SFRP1: variants seen among roughly 807,000 people sequenced by gnomAD.
SFRP1 encodes secreted frizzled related protein 1.
SFRP1 carries 9 observed loss-of-function variants against 25.9 expected under a neutral mutation model. That is an observed-to-expected ratio of 0.35 (90% CI 0.21 to 0.61). The LOEUF is 0.61. Among genes scored for constraint, SFRP1 ranks in the 20% least tolerant of loss-of-function variants. SFRP1 has a pLI of 0.78. For missense variants in SFRP1, 346 were observed against 418.2 expected (o/e 0.83, Z 1.51); for synonymous variants, 178 against 174.0 (o/e 1.02, Z -0.18).
intron 2 of SFRP1, among the ~76,000 whole-genome samples, chr8:41,287,895 A>G (rs1803725292): frequency 6.6e-6 from 1 of 152,198 alleles, no homozygotes; most frequent in East Asian, 1.9e-4. Context: ...TGGAGCTGTA[A>G]GAGAGCAACT....
At position 41,309,105 on chromosome 8, in the gene SFRP1, G is replaced by A. The variant is rs577422797; in HGVS notation, c.55C>T (p.Leu19=). The part of the protein sequence containing the change: ...GRRGAALGVL[L]ALGAALLAVG... The stretch of plus-strand genomic sequence containing the variant: ...GCCAGAAGCGCCGCGCCCAGCGCCA[G>A]CAGCACGCCCAGGGCTGCCCCGCGG... Residue 19 remains leucine (L), a synonymous_variant, in exon 1 of 3, where the codon CTG becomes TTG. Coordinates refer to ENST00000220772, the MANE Select transcript of SFRP1 (RefSeq NM_003012.5). 397 of 1,558,352 alleles carry A rather than the reference G, an allele frequency of 2.5e-4. 1 individual carries two copies. The highest frequency in any genetic ancestry group is 3.3e-4 in the Non-Finnish European group (378 of 1,160,512).
Position 41,308,970 on chromosome 8 carries a change from C to A in SFRP1, c.190G>T (p.Asp64Tyr). 6.2e-7 allele frequency: 1 copy of A among 1,613,460 alleles called. No individual in the cohort carries two copies. The highest frequency in any genetic ancestry group is 8.5e-7 in the Non-Finnish European group (1 of 1,179,944). Reference protein sequence around the residue: ...KPPQCVDIPADLRLCHNVGYK... With the variant: ...KPPQCVDIPAYLRLCHNVGYK... ...CCCACGTTGTGGCACAGCCGCAGGT[C>A]CGCGGGGATGTCCACGCACTGAGGT... Residue 64 changes from aspartate (D) to tyrosine (Y), a missense_variant, in exon 1 of 3, where the codon GAC becomes TAC. Asp to Tyr is a radical substitution (Grantham distance 160). Transcript: ENST00000220772.
At chr8:41,301,121 G>C (rs915448545) in intron 2 of SFRP1, among the ~76,000 whole-genome samples, 4 of 152,128 alleles carry the variant, frequency 2.6e-5, no homozygotes, top group African/African-American at 9.7e-5. Flanking sequence ...GGGGGACGAG[G>C]GTGCTGCTTA....
intron 2 of SFRP1, among the ~76,000 whole-genome samples, chr8:41,280,596 A>G (rs1803623443): frequency 6.6e-6 from 1 of 152,160 alleles, no homozygotes; most frequent in Non-Finnish European, 1.5e-5. Context: ...AGCTGAAGGG[A>G]GCAAGCGGCA....
intron 1 of SFRP1, among the ~76,000 whole-genome samples, chr8:41,307,815 A>T (rs1804017327): frequency 6.6e-6 from 1 of 152,172 alleles, no homozygotes; most frequent in African/African-American, 2.4e-5. Context: ...GCTGTTAGGA[A>T]AGTCTGCATT....
rs928212396 is a variant in SFRP1, at chr8:41,262,826, T to C, written c.*2341A>G. 6.6e-6 allele frequency: 1 copy of C among 152,198 alleles called. No homozygotes were observed. Among genetic ancestry groups the C allele is most frequent in the East Asian group, 1.9e-4 (1 of 5,198 alleles). 9.4% of individuals were successfully genotyped at this position (152,198 alleles called of 1,614,324 possible). A position where few individuals can be genotyped will look rare whatever the true frequency, so the allele number is the denominator to read the frequency against. On this transcript the variant is annotated 3_prime_UTR_variant, in exon 3 of 3. Transcript: ENST00000220772. The stretch of plus-strand genomic sequence containing the variant: ...GAGAGCCTCCCTTTTGGTTCTGAAA[T>C]TGCTGATGTGACAGAGACAAAGCTG...
chr8:41,303,703 G>A (rs1214145389), intron 1 of SFRP1, among the ~76,000 whole-genome samples, 165 bp from the exon 2 acceptor site: 1 of 152,162 alleles, frequency 6.6e-6, no homozygotes, highest in Non-Finnish European at 1.5e-5. Flanking sequence ...TGAGCCCAGG[G>A]TCTACAACCA....
intron 2 of SFRP1, among the ~76,000 whole-genome samples, chr8:41,289,575 TC>T (rs899205995): frequency 4.1e-4 from 63 of 152,290 alleles, no homozygotes; most frequent in African/African-American, 1.3e-3. Context: ...ACGTGTTCTT[TC>T]CAATGCACTC....
intron 2 of SFRP1, among the ~76,000 whole-genome samples, chr8:41,300,343 G>A (rs185399646): frequency 5.6e-4 from 85 of 152,286 alleles, no homozygotes; most frequent in African/African-American, 2.0e-3. Flanking sequence ...CCTTCCAGAA[G>A]GCAAGGAAAG....
chr8:41,286,328 G>A (rs755162740), intron 2 of SFRP1, among the ~76,000 whole-genome samples: 3 of 152,200 alleles, frequency 2.0e-5, no homozygotes, highest in Non-Finnish European at 2.9e-5. Flanking sequence ...CTCCTGTTCC[G>A]AGGCAGGGGC....
At chr8:41,300,654 A>G (rs1387514601) in intron 2 of SFRP1, among the ~76,000 whole-genome samples, 2 of 152,232 alleles carry the variant, frequency 1.3e-5, no homozygotes, top group African/African-American at 4.8e-5. Context: ...GGCTGTGGGT[A>G]CTGAGCTGTT....
intron 2 of SFRP1, among the ~76,000 whole-genome samples, chr8:41,285,708 C>T (rs192701612): frequency 2.0e-5 from 3 of 152,278 alleles, no homozygotes; most frequent in African/African-American, 2.4e-5. Flanking sequence ...GCTGAGCCCC[C>T]GTGAGTGCCA....
At chr8:41,279,790 A>C (rs1192008700) in intron 2 of SFRP1, among the ~76,000 whole-genome samples, 1 of 151,374 alleles carries the variant, frequency 6.6e-6, no homozygotes, top group East Asian at 1.9e-4. Flanking sequence ...AAAAAAAAAA[A>C]CCTATGTCCA....
chr8:41,305,403 A>G (rs1201290341), intron 1 of SFRP1, among the ~76,000 whole-genome samples: 3 of 152,204 alleles, frequency 2.0e-5, no homozygotes, highest in Admixed American at 2.0e-4. Context: ...TTTGGACTTC[A>G]GTGCCTCTCA....
rs534781917 is a variant in SFRP1 at position 41,296,675 on chromosome 8, T to C, written c.622+6786A>G. 5.3e-5 allele frequency among the ~76,000 whole-genome samples: 8 copies of C among 152,210 alleles called. No homozygotes were observed. The South Asian group carries it at 1.7e-3, about 32-fold the overall frequency. Reference sequence around the variant, plus strand: ...GGGTTGGGGTAGGGGAAGGGAAAAGTGCCCCAGAGATATCGCTGGAGAAAA... The same window carrying C: ...GGGTTGGGGTAGGGGAAGGGAAAAGCGCCCCAGAGATATCGCTGGAGAAAA... On this transcript the variant is annotated intron_variant, in intron 2 of 2. Coordinates refer to ENST00000220772, the MANE Select transcript of SFRP1 (RefSeq NM_003012.5).
At position 41,265,159 on chromosome 8, in the gene SFRP1, C is replaced by T. The variant is rs1040710862; in HGVS notation, c.*8G>A. ...CGAGGCTCCCTCCCCACCCTGCCCC[C>T]GGGAGAATCACTTAAACACGGACTG... On this transcript the variant is annotated 3_prime_UTR_variant, in exon 3 of 3. Transcript: ENST00000220772. The T allele has an allele frequency of 5.2e-6, 8 of 1,545,012 alleles. No individual in the cohort carries two copies. The highest frequency in any genetic ancestry group is 5.3e-6 in the Non-Finnish European group (6 of 1,137,664).
intron 2 of SFRP1, among the ~76,000 whole-genome samples, chr8:41,281,262 A>T (rs1400086348): frequency 6.6e-6 from 1 of 152,168 alleles, no homozygotes; most frequent in Non-Finnish European, 1.5e-5. Flanking sequence ...GCCCCACCTC[A>T]CCAGCCTTCA....
intron 1 of SFRP1, chr8:41,307,139 G>T: frequency 1.3e-6 from 1 of 771,032 alleles, no homozygotes. Flanking sequence ...GGGGATGGGT[G>T]CAAGCCAACA....
rs528482210 is a variant in SFRP1, at chr8:41,286,683, G to A, written c.622+16778C>T. Among the ~76,000 whole-genome samples, 12 of 152,270 alleles carry A rather than the reference G, an allele frequency of 7.9e-5. No homozygotes were observed. The East Asian group carries it at 1.7e-3, about 22-fold the overall frequency. The stretch of plus-strand genomic sequence containing the variant: ...GGATTCTGTCTTTACACACCCTGGC[G>A]TCATCCCTTTCTTCACTGAAGAGGG... On this transcript the variant is annotated intron_variant, in intron 2 of 2. Transcript: ENST00000220772.
Sources: allele counts gnomAD v4.1 joint callset (sites outside exome capture counted in the v4.1 genomes callset), GRCh38; gene constraint gnomAD v4.1.1; transcripts MANE v1.5; gene names NCBI Gene and HGNC (gene_info 2026-07-23, HGNC 2026-07-21).